Variants in CADM3 observed in about 807,000 individuals in gnomAD.
CADM3 encodes cell adhesion molecule 3.
A neutral mutation model predicts 44.9 loss-of-function variants in CADM3; 11 were observed. That is an observed-to-expected ratio of 0.25 (90% CI 0.15 to 0.41). The LOEUF (loss-of-function observed/expected upper bound fraction) is 0.41, where lower values mean the gene tolerates loss of function less well. CADM3 is among the 10% of genes least tolerant of loss of function. CADM3 has a pLI of 1.00. For missense variants in CADM3, 426 were observed against 512.0 expected, an observed-to-expected ratio of 0.83 and a Z score of 1.62; for synonymous variants, 207 against 205.2, an observed-to-expected ratio of 1.01 and a Z score of -0.08.
chr1:159,176,406 G>A (rs1649017773), intron 1 of CADM3, among the ~76,000 whole-genome samples: 1 of 152,180 alleles, frequency 6.6e-6, no homozygotes, highest in Non-Finnish European at 1.5e-5. Context: ...CCATGGAAAT[G>A]CTTACAAAAG....
chr1:159,175,099 C>A (rs1318258715), intron 1 of CADM3, among the ~76,000 whole-genome samples: 1 of 152,208 alleles, frequency 6.6e-6, no homozygotes, highest in Non-Finnish European at 1.5e-5. Flanking sequence ...CACAGAAGTC[C>A]AGCAGGCATT....
At chr1:159,178,146 G>A (rs2102095273) in intron 1 of CADM3, among the ~76,000 whole-genome samples, 1 of 152,246 alleles carries the variant, frequency 6.6e-6, no homozygotes, top group East Asian at 1.9e-4. Context: ...TAACGACAGG[G>A]GAAAATGTCT....
intron 1 of CADM3, among the ~76,000 whole-genome samples, chr1:159,185,097 T>C (rs1039602034): frequency 1.3e-5 from 2 of 151,636 alleles, no homozygotes; most frequent in African/African-American, 4.8e-5. Flanking sequence ...CACAAGGAGA[T>C]TTTTTTTTAA....
chr1:159,200,616 T>G (rs992828466), intron 8 of CADM3, among the ~76,000 whole-genome samples, 188 bp from the exon 9 acceptor site: 3 of 152,170 alleles, frequency 2.0e-5, no homozygotes, highest in Non-Finnish European at 4.4e-5. Context: ...TCATTATTCA[T>G]GAAGGGTGTG....
At chr1:159,171,989 CT>C in intron 1 of CADM3, 136 bp downstream of exon 1, 1 of 461,956 alleles carries the variant, frequency 2.2e-6, no homozygotes, top group Non-Finnish European at 3.5e-6. Context: ...TGCTAATACC[CT>C]TGTGTCTGTC....
At chr1:159,183,164 C>A (rs1055063853) in intron 1 of CADM3, among the ~76,000 whole-genome samples, 1 of 152,200 alleles carries the variant, frequency 6.6e-6, no homozygotes, top group African/African-American at 2.4e-5. Flanking sequence ...CCTTCCAAAT[C>A]TAAATCTCTT....
At chr1:159,190,974 G>A (rs1649635173) in intron 1 of CADM3, among the ~76,000 whole-genome samples, 1 of 152,192 alleles carries the variant, frequency 6.6e-6, no homozygotes, top group South Asian at 2.1e-4. Context: ...GAGTCACAGA[G>A]AGTCAGTTCT....
chr1:159,183,271 C>A (rs1649298967), intron 1 of CADM3, among the ~76,000 whole-genome samples: 1 of 152,180 alleles, frequency 6.6e-6, no homozygotes, highest in African/African-American at 2.4e-5. Context: ...GTTAGGACTT[C>A]TTATAGTGAA....
At position 159,174,483 on chromosome 1, in the gene CADM3, A is replaced by G. The variant is rs535968521; in HGVS notation, c.88+2630A>G. On this transcript the variant is annotated intron_variant, in intron 1 of 8. Coordinates refer to ENST00000368125, the MANE Select transcript of CADM3 (RefSeq NM_001127173.3). ...TGGTGGGAAGGTTTAAGGACAAGAT[A>G]CTCTTATGGTGATGTTTGAATTGTC... Among the ~76,000 whole-genome samples the G allele has an allele frequency of 5.3e-5, 8 of 152,228 alleles. No individual in the cohort carries two copies. The South Asian group carries it at 1.7e-3, about 32-fold the overall frequency.
intron 1 of CADM3, among the ~76,000 whole-genome samples, chr1:159,184,067 C>T (rs781098062): frequency 2.6e-5 from 4 of 152,190 alleles, no homozygotes; most frequent in Non-Finnish European, 5.9e-5. Flanking sequence ...TCCAAATGCA[C>T]AACCAAATAT....
chr1:159,172,974 G>A (rs914215938), intron 1 of CADM3, among the ~76,000 whole-genome samples: 6 of 152,106 alleles, frequency 3.9e-5, no homozygotes, highest in Non-Finnish European at 7.4e-5. Flanking sequence ...AGGGCAGGCT[G>A]TGAAGAGACT....
In CADM3 at chr1:159,192,599, A is replaced by G. The variant is rs371824931; in HGVS notation, c.251A>G (p.Gln84Arg). ...CCAGCCCTTCGAGATAATCGAATTC[A>G]GCTGGTTACCTCTACGCCCCACGAG... The part of the protein sequence containing the change: ...EKRALRDNRI[Q>R]LVTSTPHELS... The change falls in exon 3 of 9, where the codon CAG (glutamine) becomes CGG (arginine). Residue 84 changes from glutamine (Q) to arginine (R), a missense_variant. Transcript: ENST00000368125. 5 of 1,613,978 alleles carry G rather than the reference A, an allele frequency of 3.1e-6. No homozygotes were observed. In the African/African-American group the frequency reaches 6.7e-5, roughly 22 times the overall value.
At chr1:159,180,893 T>G (rs1275616567) in intron 1 of CADM3, among the ~76,000 whole-genome samples, 1 of 152,130 alleles carries the variant, frequency 6.6e-6, no homozygotes, top group Non-Finnish European at 1.5e-5. Flanking sequence ...ATATCTAAAG[T>G]GCAACATAAG....
At chr1:159,199,206 A>T (rs1009459939) in intron 7 of CADM3, among the ~76,000 whole-genome samples, 2 of 152,042 alleles carry the variant, frequency 1.3e-5, no homozygotes, top group African/African-American at 4.8e-5. Context: ...GAAGGCCCTT[A>T]GAGCTAGGGG....
intron 1 of CADM3, among the ~76,000 whole-genome samples, chr1:159,174,088 A>G (rs1648927530): frequency 6.6e-6 from 1 of 152,180 alleles, no homozygotes; most frequent in Non-Finnish European, 1.5e-5. Context: ...GATGAACAGG[A>G]GGGGTCTGTT....
chr1:159,183,792 T>G (rs1248682922), intron 1 of CADM3, among the ~76,000 whole-genome samples: 1 of 152,170 alleles, frequency 6.6e-6, no homozygotes, highest in Non-Finnish European at 1.5e-5. Flanking sequence ...ATTAGGAATT[T>G]AATGGGGGAC....
At chr1:159,189,578 A>G (rs1649562129) in intron 1 of CADM3, among the ~76,000 whole-genome samples, 1 of 152,222 alleles carries the variant, frequency 6.6e-6, no homozygotes, top group African/African-American at 2.4e-5. Context: ...CCTTCAGAGA[A>G]AAAGTCACTT....
At chr1:159,199,947 G>C in intron 8 of CADM3, 71 bp downstream of exon 8, 1 of 1,566,018 alleles carries the variant, frequency 6.4e-7, no homozygotes, top group East Asian at 2.3e-5. Flanking sequence ...CAGGCACGAG[G>C]AGAAGCAGAC....
In CADM3 at chr1:159,197,030, T is replaced by C. The variant is rs1238495834; in HGVS notation, c.922T>C (p.Tyr308His). Residue 308 changes from tyrosine to histidine, a missense_variant, in exon 7 of 9, where the codon TAC (tyrosine) becomes CAC (histidine). Tyr to His is a moderately conservative substitution (Grantham distance 83). Transcript: ENST00000368125. ...CACAGCCACCAGCAACATGGGCAGC[T>C]ACAAGGCCTACTACACCCTCAATGT... ...GCTATSNMGS[Y>H]KAYYTLNVND... is the part of the protein sequence containing the mutation. 1 of 1,614,176 alleles carries C rather than the reference T, an allele frequency of 6.2e-7. No individual in the cohort carries two copies. Among genetic ancestry groups the C allele is most frequent in the Admixed American group, 1.7e-5 (1 of 60,026 alleles).
Sources: gnomAD v4.1 joint callset for allele counts (sites outside exome capture counted in the v4.1 genomes callset) on GRCh38, gnomAD v4.1.1 for gene constraint, MANE v1.5 for transcripts, NCBI Gene and HGNC (gene_info 2026-07-23, HGNC 2026-07-21) for gene names.